Variants in TAF4 observed in about 807,000 individuals in gnomAD.
The protein encoded by TAF4 is TATA-box binding protein associated factor 4, also known as transcription initiation factor TFIID subunit 4.
Under a neutral mutation model 90.3 loss-of-function variants are expected in TAF4, and 9 were observed. That is an observed-to-expected ratio of 0.10 (90% confidence interval 0.06 to 0.17). TAF4 has a LOEUF of 0.17. Ranked by LOEUF, TAF4 falls within the 10% of genes least tolerant of loss-of-function variation. The pLI, the probability that TAF4 is intolerant of heterozygous loss-of-function variation, is 1.00. For synonymous variants in TAF4, 818 were observed against 638.9 expected (o/e 1.28, Z -4.23); for missense variants, 1,351 against 1,370.7 (o/e 0.99, Z 0.23).
chr20:62,007,498 A>AC (rs2055753925), intron 6 of TAF4, 49 bp downstream of exon 6: 1 of 1,572,334 alleles, frequency 6.4e-7, no homozygotes, highest in Non-Finnish European at 8.7e-7. Context: ...TCTGCGCCCC[A>AC]CCCCTCCCTG....
intron 1 of TAF4, among the ~76,000 whole-genome samples, chr20:62,060,944 T>C (rs985282658): frequency 4.2e-4 from 64 of 152,212 alleles, no homozygotes; most frequent in African/African-American, 1.5e-3. Context: ...TTTGGAATAG[T>C]GAGCGCCACC....
intron 14 of TAF4, among the ~76,000 whole-genome samples, chr20:61,992,764 T>G: frequency 6.6e-6 from 1 of 151,834 alleles, no homozygotes; most frequent in Non-Finnish European, 1.5e-5. Context: ...ACAGGAAAGG[T>G]GTAAGGTGAG....
intron 1 of TAF4, among the ~76,000 whole-genome samples, chr20:62,059,956 A>C (rs1228757514): frequency 6.6e-6 from 1 of 152,258 alleles, no homozygotes; most frequent in Non-Finnish European, 1.5e-5. Flanking sequence ...AACTCACATT[A>C]TACAGTAGAA....
intron 14 of TAF4, among the ~76,000 whole-genome samples, chr20:61,979,832 C>T (rs1208030519): frequency 1.3e-4 from 19 of 143,196 alleles, no homozygotes; most frequent in Middle Eastern, 4.2e-3. Flanking sequence ...GGACTGCGGC[C>T]CGTGCAGGCG....
At chr20:62,022,279 G>A (rs761179743) in intron 1 of TAF4, among the ~76,000 whole-genome samples, 13 of 152,168 alleles carry the variant, frequency 8.5e-5, no homozygotes, top group Non-Finnish European at 1.8e-4. Flanking sequence ...GGAGAGGTGG[G>A]AAGGGTCAGG....
At chr20:61,993,587 G>T (rs1278925179) in intron 14 of TAF4, among the ~76,000 whole-genome samples, 3 of 152,180 alleles carry the variant, frequency 2.0e-5, no homozygotes, top group Non-Finnish European at 2.9e-5. Context: ...CCAGTGTCTC[G>T]CTGCACAACT....
At chr20:62,008,987 C>CA in intron 5 of TAF4, 65 bp downstream of exon 5, 1 of 1,560,296 alleles carries the variant, frequency 6.4e-7, no homozygotes, top group Non-Finnish European at 8.7e-7. Context: ...GTCACAGCAG[C>CA]AACAGGTGTC....
In TAF4 at chr20:62,065,373, G is replaced by T; in HGVS notation, c.438C>A (p.Val146=). 1 of 969,626 alleles carries T rather than the reference G, an allele frequency of 1.0e-6. No homozygotes were observed. Among genetic ancestry groups the T allele is most frequent in the South Asian group, 4.7e-5 (1 of 21,142 alleles). The allele number at this position is 969,626 out of a possible 1,614,324, so 60.1% of individuals were successfully genotyped here. A position where few individuals can be genotyped will look rare whatever the true frequency, so the allele number is the denominator to read the frequency against. ...CGGGGGCGGGCTCGGGCCCCGCGGC[G>T]ACGGCGGCGGCGGCGGGCACCGGGG... is the stretch of plus-strand genomic sequence containing the variant. ...SCAPVPAAAA[V]AAGPEPAPAG... is the part of the protein sequence containing the mutation. Residue 146 remains valine (V), a synonymous_variant, in exon 1 of 15, where the codon GTC becomes GTA. Transcript: ENST00000252996.
chr20:62,053,247 A>T (rs1219242030), intron 1 of TAF4, among the ~76,000 whole-genome samples: 2 of 152,212 alleles, frequency 1.3e-5, no homozygotes, highest in Admixed American at 1.3e-4. Context: ...CTCTGCGTCT[A>T]ATCGATGGTG....
Position 62,065,537 on chromosome 20 carries a change from C to T in TAF4, c.274G>A (p.Ala92Thr). 2 of 977,328 alleles carry T rather than the reference C, an allele frequency of 2.0e-6. No homozygotes were observed. Among genetic ancestry groups the T allele is most frequent in the Non-Finnish European group, 2.4e-6 (2 of 826,476 alleles). 60.5% of individuals were successfully genotyped at this position (977,328 alleles called of 1,614,324 possible). A position where few individuals can be genotyped will look rare whatever the true frequency, so the allele number is the denominator to read the frequency against. ...CCGCCCCCCGGCCGCGCTCTACCTGCGGGGGGCGGCTCCGGCGCCGCTCCG... is the reference window on the plus strand; with the variant it reads ...CCGCCCCCCGGCCGCGCTCTACCTGTGGGGGGCGGCTCCGGCGCCGCTCCG... Reference protein sequence around the residue: ...APGAAPEPPPAGRARPGGGGP... With the variant: ...APGAAPEPPPTGRARPGGGGP... The change falls in exon 1 of 15, where the codon GCA becomes ACA. Residue 92 changes from alanine to threonine, a missense_variant. Ala to Thr is a moderately conservative substitution (Grantham distance 58). Around this residue, in one of 9 missense-constraint regions of TAF4, gnomAD observed 782 missense variants for 536.6 expected, o/e 1.46. Transcript: ENST00000252996.
chr20:62,003,498 AATG>A (rs1243673657), intron 8 of TAF4, among the ~76,000 whole-genome samples: 2 of 152,264 alleles, frequency 1.3e-5, no homozygotes, highest in African/African-American at 4.8e-5. Flanking sequence ...AAAGTGCAGG[AATG>A]ATTACAGATA....
Position 62,006,888 on chromosome 20 carries a change from G to A in TAF4, c.1975-130C>T. The A allele has an allele frequency of 7.9e-7, 1 of 1,263,542 alleles. No individual in the cohort carries two copies. The highest frequency in any genetic ancestry group is 2.7e-5 in the South Asian group (1 of 37,068). The allele number at this position is 1,263,542 out of a possible 1,614,324, so 78.3% of individuals were successfully genotyped here. The stretch of plus-strand genomic sequence containing the variant: ...AGTAAGATGGATCTTGGCCCTCACG[G>A]CAGCATGTCTGGATGTCAAGGGCCA... On this transcript the variant is annotated intron_variant, in intron 6 of 14. Transcript: ENST00000252996. This position sits in a 1 kb window ranked among gnomAD's most constrained non-coding sequence, Gnocchi z 7.0.
intron 1 of TAF4, among the ~76,000 whole-genome samples, chr20:62,018,520 CCT>C (rs1005281006): frequency 6.6e-6 from 1 of 152,258 alleles, no homozygotes; most frequent in Non-Finnish European, 1.5e-5. Context: ...TGCCTCTACT[CCT>C]CTCTCTGCAC....
chr20:61,977,576 C>A (rs1487368028), intron 14 of TAF4, among the ~76,000 whole-genome samples: 1 of 152,110 alleles, frequency 6.6e-6, no homozygotes, highest in Non-Finnish European at 1.5e-5. Flanking sequence ...TGATGGCATG[C>A]AAGTGTGTCT....
chr20:62,047,018 C>T (rs2055997309), intron 1 of TAF4, among the ~76,000 whole-genome samples: 1 of 152,184 alleles, frequency 6.6e-6, no homozygotes, highest in African/African-American at 2.4e-5. Context: ...TTTTCATTGT[C>T]TTAACAACGT....
intron 14 of TAF4, among the ~76,000 whole-genome samples, chr20:61,988,465 T>G (rs1347462741): frequency 6.6e-6 from 1 of 152,176 alleles, no homozygotes; most frequent in Non-Finnish European, 1.5e-5. Flanking sequence ...GAGGCTAAAC[T>G]GGGTGAGGGG....
At chr20:62,022,001 G>GCGGC (rs1568934532) in intron 1 of TAF4, among the ~76,000 whole-genome samples, 8 of 152,272 alleles carry the variant, frequency 5.3e-5, no homozygotes, top group Admixed American at 4.6e-4. Context: ...GCGGCGGACA[G>GCGGC]CATCAGAGGC....
intron 1 of TAF4, among the ~76,000 whole-genome samples, chr20:62,063,297 C>T (rs2056100221): frequency 6.6e-6 from 1 of 152,180 alleles, no homozygotes; most frequent in Admixed American, 6.5e-5. Context: ...GTCAAAGTGA[C>T]CAATAGCTCC....
At chr20:62,046,310 C>A (rs1346829977) in intron 1 of TAF4, among the ~76,000 whole-genome samples, 1 of 152,216 alleles carries the variant, frequency 6.6e-6, no homozygotes, top group African/African-American at 2.4e-5. Context: ...AGTTGTGTAA[C>A]CACTACCACA....
Sources: allele counts gnomAD v4.1 joint callset (sites outside exome capture counted in the v4.1 genomes callset), GRCh38; gene constraint gnomAD v4.1.1; regional missense constraint gnomAD v4.1.1; non-coding constraint Gnocchi (gnomAD v3.1); transcripts MANE v1.5; gene names NCBI Gene and HGNC (gene_info 2026-07-23, HGNC 2026-07-21).